GHR: variants seen among roughly 807,000 people sequenced by gnomAD.
GHR encodes the protein GH receptor.
GHR carries 35 observed loss-of-function variants against 67.1 expected under a neutral mutation model. That is an observed-to-expected ratio of 0.52 (90% confidence interval 0.40 to 0.69). The LOEUF is 0.69. Ranked by LOEUF, GHR falls within the 30% of genes least tolerant of loss-of-function variation. The probability of loss-of-function intolerance (pLI) is 0.00; values close to 1 mark genes in which losing one functional copy is unlikely to be tolerated. For synonymous variants in GHR, 272 were observed against 269.1 expected, an observed-to-expected ratio of 1.01 and a Z score of -0.10; for missense variants, 792 against 764.6, an observed-to-expected ratio of 1.04 and a Z score of -0.42.
At chr5:42,453,064 T>C (rs1744117744) in intron 1 of GHR, among the ~76,000 whole-genome samples, 1 of 152,038 alleles carries the variant, frequency 6.6e-6, no homozygotes, top group Admixed American at 6.5e-5. Context: ...TTTTTTTTAA[T>C]TTCTTATTTT....
chr5:42,445,301 T>C (rs1168871315), intron 1 of GHR, among the ~76,000 whole-genome samples: 1 of 152,208 alleles, frequency 6.6e-6, no homozygotes, highest in Non-Finnish European at 1.5e-5. Context: ...ATGTTATTGC[T>C]AATGCACATT....
chr5:42,644,418 G>GT (rs770085063), intron 3 of GHR, among the ~76,000 whole-genome samples: 9 of 152,054 alleles, frequency 5.9e-5, no homozygotes, highest in Non-Finnish European at 1.0e-4. Flanking sequence ...GAAAGAAATT[G>GT]TCTGGTTTCT....
At chr5:42,682,698 A>G (rs80113392) in intron 3 of GHR, among the ~76,000 whole-genome samples, 3,169 of 152,346 alleles carry the variant, frequency 0.021, 95 homozygotes, top group African/African-American at 0.07. Flanking sequence ...TCACTGTGAT[A>G]CATTCCATTT....
At chr5:42,717,968 C>CTGTCTAATATTTTCTTCTGTTTCT in intron 8 of GHR, 84 bp from the exon 9 acceptor site, 1 of 751,142 alleles carries the variant, frequency 1.3e-6, no homozygotes, top group African/African-American at 1.7e-5. Flanking sequence ...AATAGTATTG[C>CTGTCTAATATTTTCTTCTGTTTCT]CAATATTTTA....
intron 1 of GHR, among the ~76,000 whole-genome samples, chr5:42,524,256 C>T (rs934293652): frequency 2.1e-4 from 32 of 152,056 alleles, no homozygotes; most frequent in South Asian, 8.3e-4. Flanking sequence ...AGCCTGATAA[C>T]GATATGGACA....
intron 1 of GHR, among the ~76,000 whole-genome samples, chr5:42,441,178 G>C (rs1268816984): frequency 1.3e-5 from 2 of 152,194 alleles, no homozygotes; most frequent in East Asian, 3.9e-4. Context: ...TAAAGGCCAA[G>C]TGGAAAAGTT....
At chr5:42,590,047 G>C (rs1442406658) in intron 2 of GHR, among the ~76,000 whole-genome samples, 1 of 152,162 alleles carries the variant, frequency 6.6e-6, no homozygotes, top group Non-Finnish European at 1.5e-5. Context: ...CTCCATAAAT[G>C]CTTATTGGGA....
At chr5:42,444,522 T>G (rs540292687) in intron 1 of GHR, among the ~76,000 whole-genome samples, 39 of 152,304 alleles carry the variant, frequency 2.6e-4, no homozygotes, top group African/African-American at 9.1e-4. Flanking sequence ...ATTGTTAAAT[T>G]TACCTGAAAT....
chr5:42,458,449 C>T (rs968927588), intron 1 of GHR, among the ~76,000 whole-genome samples: 2 of 148,712 alleles, frequency 1.3e-5, no homozygotes, highest in Admixed American at 1.3e-4. Context: ...AAGCTGGACC[C>T]CTCCTTACAC....
chr5:42,486,543 A>C (rs1745885621), intron 1 of GHR, among the ~76,000 whole-genome samples: 1 of 152,162 alleles, frequency 6.6e-6, no homozygotes, highest in South Asian at 2.1e-4. Flanking sequence ...GCTTGTAGAG[A>C]GCAAAATTAA....
chr5:42,552,186 A>G (rs1326604733), intron 1 of GHR, among the ~76,000 whole-genome samples: 1 of 152,202 alleles, frequency 6.6e-6, no homozygotes, highest in African/African-American at 2.4e-5. Flanking sequence ...AGTAAACATA[A>G]GCCTCCTGGG....
intron 1 of GHR, among the ~76,000 whole-genome samples, chr5:42,480,122 T>C (rs1272647448): frequency 6.6e-6 from 1 of 152,220 alleles, no homozygotes; most frequent in Non-Finnish European, 1.5e-5. Context: ...ACATCTTTAT[T>C]TCTGCCTTCA....
chr5:42,526,491 T>C (rs1747710908), intron 1 of GHR, among the ~76,000 whole-genome samples: 1 of 152,182 alleles, frequency 6.6e-6, no homozygotes, highest in Non-Finnish European at 1.5e-5. Context: ...GTGATGAAGA[T>C]TACTAAACAA....
chr5:42,507,288 AC>A (rs1050118137), intron 1 of GHR, among the ~76,000 whole-genome samples: 1 of 152,234 alleles, frequency 6.6e-6, no homozygotes, highest in Admixed American at 6.5e-5. Context: ...AAGAAGTGAA[AC>A]TTTTATTGAA....
intron 1 of GHR, among the ~76,000 whole-genome samples, chr5:42,437,538 T>TATTC (rs1159417485): frequency 6.9e-6 from 1 of 145,550 alleles, no homozygotes; most frequent in African/African-American, 2.7e-5. Context: ...TATATTTATT[T>TATTC]ATTTATTTAT....
chr5:42,617,093 A>C (rs919621622), intron 2 of GHR, among the ~76,000 whole-genome samples: 1 of 151,974 alleles, frequency 6.6e-6, no homozygotes, highest in African/African-American at 2.4e-5. Flanking sequence ...CCAAAAATAG[A>C]GTATGCTTTC....
intron 3 of GHR, among the ~76,000 whole-genome samples, chr5:42,685,693 G>C (rs1347666030): frequency 6.6e-6 from 1 of 152,072 alleles, no homozygotes; most frequent in Admixed American, 6.6e-5. Flanking sequence ...TCTGATGACC[G>C]GTGATGACGA....
At chr5:42,465,705 A>G in intron 1 of GHR, 1 of 879,086 alleles carries the variant, frequency 1.1e-6, no homozygotes, top group South Asian at 1.3e-5. Flanking sequence ...TAATGTGAAA[A>G]AAAAGATCTA....
intron 3 of GHR, among the ~76,000 whole-genome samples, chr5:42,657,777 A>G (rs1232775735): frequency 6.6e-6 from 1 of 152,154 alleles, no homozygotes; most frequent in African/African-American, 2.4e-5. Context: ...ACTCCAGTAT[A>G]TCCTAAAATG....
Sources: allele counts gnomAD v4.1 joint callset (sites outside exome capture counted in the v4.1 genomes callset), GRCh38; gene constraint gnomAD v4.1.1; transcripts MANE v1.5; gene names NCBI Gene and HGNC (gene_info 2026-07-23, HGNC 2026-07-21).